The following CCT7 variants were observed in gnomAD, a reference collection of about 807,000 sequenced individuals.
The protein encoded by CCT7 is chaperonin containing TCP1 subunit 7.
A neutral mutation model predicts 56.6 loss-of-function variants in CCT7; 16 were observed. The ratio of observed to expected loss-of-function variants is 0.28; its 90% confidence interval spans 0.19 to 0.43. CCT7 has a LOEUF of 0.43. CCT7 is among the 20% of genes least tolerant of loss of function. The pLI is 1.00. For synonymous variants in CCT7, 262 were observed against 254.8 expected (o/e 1.03, Z -0.27); for missense variants, 519 against 685.6 (o/e 0.76, Z 2.71).
chr2:73,246,947 G>A lies in CCT7; in HGVS notation c.619-815G>A, dbSNP rs115642868. Among the ~76,000 whole-genome samples, 1,321 of 152,298 alleles carry A rather than the reference G, an allele frequency of 8.7e-3. 24 individuals are homozygous for A. Among genetic ancestry groups the A allele is most frequent in the African/African-American group, 0.03 (1,227 of 41,552 alleles). Reference sequence around the variant, plus strand: ...ACTGGCAGAGAAACTAAAGGTTATTGAACTGAATACCCTTTTTTATGGTGT... The same window carrying A: ...ACTGGCAGAGAAACTAAAGGTTATTAAACTGAATACCCTTTTTTATGGTGT... On this transcript the variant is annotated intron_variant, in intron 6 of 11. Transcript: ENST00000258091.
intron 8 of CCT7, 31 bp from the exon 9 acceptor site, chr2:73,249,788 A>C: frequency 1.3e-6 from 2 of 1,505,976 alleles, no homozygotes; most frequent in Non-Finnish European, 1.8e-6. Context: ...GGGAACCTTC[A>C]CTGCTAGATC....
intron 2 of CCT7, 65 bp downstream of exon 2, chr2:73,239,861 C>A: frequency 7.0e-7 from 1 of 1,421,694 alleles, no homozygotes; most frequent in African/African-American, 1.4e-5. Flanking sequence ...GTGTTTGGGA[C>A]TAGCATAGGT....
intron 6 of CCT7, among the ~76,000 whole-genome samples, chr2:73,246,802 T>C (rs72905372): frequency 0.073 from 11,105 of 152,252 alleles, 907 homozygotes; most frequent in African/African-American, 0.21. Context: ...TCTGCTCATC[T>C]GTCATTCAGC....
chr2:73,250,450 A>G lies in CCT7; in HGVS notation c.1203+12A>G, dbSNP rs770581545. On this transcript the variant is annotated intron_variant, in intron 10 of 11. Transcript: ENST00000258091. ...GGAGGGCCATCAAGGTACTGGGCTG[A>G]TATCCTCCTGCTTGCACAGCCTACT... 1 of 1,613,300 alleles carries G rather than the reference A, an allele frequency of 6.2e-7. No homozygotes were observed. The highest frequency in any genetic ancestry group is 1.3e-5 in the African/African-American group (1 of 74,838).
chr2:73,239,918 A>G (rs1444496948), intron 2 of CCT7, 122 bp downstream of exon 2: 1 of 827,474 alleles, frequency 1.2e-6, no homozygotes, highest in African/African-American at 1.7e-5. Flanking sequence ...AAGATGACTC[A>G]CTCTGAAGCA....
chr2:73,250,587 T>A, intron 10 of CCT7, 149 bp downstream of exon 10: 1 of 856,146 alleles, frequency 1.2e-6, no homozygotes, highest in Non-Finnish European at 1.8e-6. Flanking sequence ...CCACAAATGG[T>A]AGAGAAACTG....
At chr2:73,238,796 GCT>G (rs1458054517) in intron 1 of CCT7, among the ~76,000 whole-genome samples, 3 of 152,172 alleles carry the variant, frequency 2.0e-5, no homozygotes, top group Admixed American at 1.3e-4. Flanking sequence ...CTGAGAAATT[GCT>G]CTCTCTGCTA....
At chr2:73,248,788 G>T (rs1411361923) in intron 7 of CCT7, among the ~76,000 whole-genome samples, 1 of 152,230 alleles carries the variant, frequency 6.6e-6, no homozygotes, top group Non-Finnish European at 1.5e-5. Flanking sequence ...CTGCTTTTGT[G>T]TTGGGGAGTT....
chr2:73,238,299 C>T (rs756574961), intron 1 of CCT7, among the ~76,000 whole-genome samples: 10 of 152,162 alleles, frequency 6.6e-5, no homozygotes, highest in Admixed American at 2.0e-4. Context: ...AGTGTGTCTA[C>T]GAGTGTGTAT....
Position 73,243,065 on chromosome 2 carries a change from C to G in CCT7, c.329C>G (p.Pro110Arg). The G allele has an allele frequency of 3.1e-6, 5 of 1,613,998 alleles. No homozygotes were observed. The East Asian group carries it at 1.1e-4, about 36-fold the overall frequency. The part of the protein sequence containing the change: ...LAAEFLKQVK[P>R]YVEEGLHPQI... ...GCAGAGTTTCTGAAGCAGGTGAAAC[C>G]CTATGTGGAGGAAGGTTTACACCCC... The change falls in exon 4 of 12, where the codon CCC becomes CGC. Residue 110 changes from proline to arginine, a missense_variant. By Grantham distance (103) the Pro-to-Arg change is moderately radical. Coordinates refer to ENST00000258091, the MANE Select transcript of CCT7 (RefSeq NM_006429.4).
intron 7 of CCT7, 101 bp from the exon 8 acceptor site, chr2:73,248,890 C>A: frequency 1.1e-6 from 1 of 887,936 alleles, no homozygotes; most frequent in Non-Finnish European, 1.8e-6. Context: ...CCAGATGAAT[C>A]AGCATGTTTT....
rs1365260475 is a variant in CCT7 at position 73,252,630 on chromosome 2, A to G, written c.1411-10A>G. 8 of 1,606,318 alleles carry G rather than the reference A, an allele frequency of 5.0e-6. No homozygotes were observed. The highest frequency in any genetic ancestry group is 4.5e-5 in the East Asian group (2 of 44,790). On this transcript the variant is annotated splice_polypyrimidine_tract_variant and intron_variant, in intron 11 of 11. Coordinates refer to ENST00000258091, the MANE Select transcript of CCT7 (RefSeq NM_006429.4). Reference sequence around the variant, plus strand: ...TCCATATTACCTCCTTTCTTTTCCTACTCTTTTAGGGGGGTACATGGTATG... The same window carrying G: ...TCCATATTACCTCCTTTCTTTTCCTGCTCTTTTAGGGGGGTACATGGTATG...
At chr2:73,240,962 C>A (rs773941243) in intron 3 of CCT7, among the ~76,000 whole-genome samples, 13 of 148,642 alleles carry the variant, frequency 8.7e-5, no homozygotes. Context: ...CCTTGAACTC[C>A]GGGGCTCAAG....
In CCT7 at chr2:73,251,410, A is replaced by T; in HGVS notation, c.1388A>T (p.Lys463Met). 1.3e-6 allele frequency: 2 copies of T among 1,524,600 alleles called. No individual in the cohort carries two copies. Among genetic ancestry groups the T allele is most frequent in the Non-Finnish European group, 1.8e-6 (2 of 1,123,338 alleles). The allele number at this position is 1,524,600 out of a possible 1,614,324, so 94.4% of individuals were successfully genotyped here. ...TTTGATGCCACAAACATTCTCAACAAGCTGCGGGCTCGGCATGCCCAGGTG... is the reference window on the plus strand; with the variant it reads ...TTTGATGCCACAAACATTCTCAACATGCTGCGGGCTCGGCATGCCCAGGTG... ...AGFDATNILN[K>M]LRARHAQGGT... is the part of the protein sequence containing the mutation. The change falls in exon 11 of 12, where the codon AAG (lysine) becomes ATG (methionine). Residue 463 changes from lysine to methionine, a missense_variant. By Grantham distance (95) the Lys-to-Met change is moderately conservative. Around this residue, in one of 3 missense-constraint regions of CCT7, gnomAD observed 237 missense variants for 300.8 expected, o/e 0.79. Coordinates refer to ENST00000258091, the MANE Select transcript of CCT7 (RefSeq NM_006429.4).
chr2:73,236,839 C>T (rs1686906231), intron 1 of CCT7, among the ~76,000 whole-genome samples: 1 of 152,190 alleles, frequency 6.6e-6, no homozygotes, highest in South Asian at 2.1e-4. Flanking sequence ...GCTGTTTCTT[C>T]AGGGCCTGCA....
intron 11 of CCT7, 93 bp downstream of exon 11, chr2:73,251,525 C>G (rs1186635935): frequency 6.2e-6 from 7 of 1,133,898 alleles, no homozygotes; most frequent in Non-Finnish European, 9.0e-6. Flanking sequence ...GCACGCCTGG[C>G]CCAGGAGATA....
Position 73,249,196 on chromosome 2 carries a change from AG to A in CCT7, c.972+19del. On this transcript the variant is annotated intron_variant, in intron 8 of 11. Coordinates refer to ENST00000258091, the MANE Select transcript of CCT7 (RefSeq NM_006429.4). ...ACAATGATGGTAACCAGATTTTCAC[AG>A]GCTGCTTCTCGGCCTTTGTGGCCCT... 1 of 1,585,008 alleles carries A rather than the reference AG, an allele frequency of 6.3e-7. No individual in the cohort carries two copies. The highest frequency in any genetic ancestry group is 8.6e-7 in the Non-Finnish European group (1 of 1,160,180).
intron 3 of CCT7, among the ~76,000 whole-genome samples, chr2:73,240,928 G>T (rs1252923762): frequency 6.7e-6 from 1 of 148,306 alleles, no homozygotes; most frequent in Non-Finnish European, 1.5e-5. Context: ...AAGAGATAGG[G>T]TCTTACTATG....
At position 73,249,010 on chromosome 2, in the gene CCT7, A is replaced by T. The variant is rs1343206351; in HGVS notation, c.803A>T (p.Asp268Val). ...HTVEDYQAIV[D>V]AEWNILYDKL... ...CTCCAGGATTATCAGGCAATTGTTG[A>T]TGCTGAGTGGAACATTCTCTATGAC... is the stretch of plus-strand genomic sequence containing the variant. The change falls in exon 8 of 12, where the codon GAT becomes GTT. Residue 268 changes from aspartate to valine, a missense_variant. By Grantham distance (152) the Asp-to-Val change is radical. Transcript: ENST00000258091. 6.2e-7 allele frequency: 1 copy of T among 1,613,172 alleles called. No homozygotes were observed. Among genetic ancestry groups the T allele is most frequent in the South Asian group, 1.1e-5 (1 of 91,020 alleles).
Sources: allele counts gnomAD v4.1 joint callset (sites outside exome capture counted in the v4.1 genomes callset), GRCh38; gene constraint gnomAD v4.1.1; regional missense constraint gnomAD v4.1.1; transcripts MANE v1.5; gene names NCBI Gene and HGNC (gene_info 2026-07-23, HGNC 2026-07-21).